PLD5: variants seen among roughly 807,000 people sequenced by gnomAD.
PLD5 encodes the protein inactive phospholipase D5.
Under a neutral mutation model 61.1 loss-of-function variants are expected in PLD5, and 36 were observed. That is an observed-to-expected ratio of 0.59 (90% CI 0.45 to 0.78). PLD5 has a LOEUF of 0.78. PLD5 is among the 30% of genes least tolerant of loss of function. The pLI, the probability that PLD5 is intolerant of heterozygous loss-of-function variation, is 0.00. For synonymous variants in PLD5, 243 were observed against 242.8 expected (o/e 1.00, Z -0.01); for missense variants, 515 against 644.4 (o/e 0.80, Z 2.17).
intron 4 of PLD5, among the ~76,000 whole-genome samples, chr1:242,251,758 G>A (rs1363814087): frequency 6.6e-6 from 1 of 152,064 alleles, no homozygotes; most frequent in Non-Finnish European, 1.5e-5. Flanking sequence ...AAAAGGCAAA[G>A]GGTAAATGTA....
Position 242,301,779 on chromosome 1 carries a change from T to TTATTATTATTA in PLD5, c.327-13260_327-13250dup, listed in dbSNP as rs760264930. Among the ~76,000 whole-genome samples, 84 of 147,410 alleles carry TTATTATTATTA rather than the reference T, an allele frequency of 5.7e-4. 2 individuals are homozygous for TTATTATTATTA. The East Asian group carries it at 0.012, about 21-fold the overall frequency. ...ATTTTTTAAAACATTATTATTATTA[T>TTATTATTATTA]TATTATTATTATTAGAGACAGAATC... On this transcript the variant is annotated intron_variant, in intron 2 of 9. Transcript: ENST00000536534.
chr1:242,524,704 C>A (rs1206734011), upstream of PLD5: 1 of 107,724 alleles, frequency 9.3e-6, no homozygotes, highest in Non-Finnish European at 1.8e-5. Flanking sequence ...TACTGGGACC[C>A]GGGCCGGCTC....
At chr1:242,454,292 A>G (rs1666877789) in intron 1 of PLD5, among the ~76,000 whole-genome samples, 1 of 150,678 alleles carries the variant, frequency 6.6e-6, no homozygotes, top group African/African-American at 2.4e-5. Context: ...GAGATCATGC[A>G]TTGCACTCTA....
At chr1:242,347,243 T>G (rs1412754555) in intron 2 of PLD5, among the ~76,000 whole-genome samples, 2 of 152,210 alleles carry the variant, frequency 1.3e-5, no homozygotes, top group Admixed American at 6.5e-5. Context: ...AGGTTGTTGT[T>G]TATTTTAAGC....
chr1:242,337,315 C>T (rs894878883), intron 2 of PLD5, among the ~76,000 whole-genome samples: 5 of 21,282 alleles, frequency 2.3e-4, no homozygotes, highest in African/African-American at 4.6e-4. Context: ...ATGCTATTGG[C>T]CTTTGAGAGT....
intron 5 of PLD5, among the ~76,000 whole-genome samples, chr1:242,144,895 G>A (rs747022176): frequency 6.6e-6 from 1 of 152,166 alleles, no homozygotes; most frequent in Non-Finnish European, 1.5e-5. Context: ...GCCATGGTGA[G>A]TTGTAGTACA....
At chr1:242,529,218 A>C (rs1291935176), upstream of PLD5, among the ~76,000 whole-genome samples, 1 of 152,232 alleles carries the variant, frequency 6.6e-6, no homozygotes, top group Non-Finnish European at 1.5e-5. Context: ...TTAATATGAG[A>C]AGGGTCTTTT....
intron 1 of PLD5, among the ~76,000 whole-genome samples, chr1:242,454,345 A>G (rs1666880663): frequency 6.6e-6 from 1 of 150,850 alleles, no homozygotes. Context: ...AAAAAAAAAA[A>G]GGCAAATTTA....
chr1:242,194,800 TCTCA>T lies in PLD5; in HGVS notation c.735+25184_735+25187del, dbSNP rs1337037113. ...GAATGGAAAACCAAACATCAGGCAT[TCTCA>T]CTCATAAGTGGGAGCCAAACTATGA... is the stretch of plus-strand genomic sequence containing the variant. On this transcript the variant is annotated intron_variant, in intron 5 of 9. Transcript: ENST00000536534. 2.0e-5 allele frequency among the ~76,000 whole-genome samples: 3 copies of T among 152,248 alleles called. No homozygotes were observed. In the East Asian group the frequency reaches 5.8e-4, roughly 29 times the overall value.
intron 3 of PLD5, among the ~76,000 whole-genome samples, chr1:242,285,560 C>G (rs967663204): frequency 6.6e-6 from 1 of 151,730 alleles, no homozygotes; most frequent in Non-Finnish European, 1.5e-5. Flanking sequence ...AGGCTAGCCT[C>G]TACTCCTATC....
At chr1:242,399,836 G>T (rs1027897373) in intron 1 of PLD5, among the ~76,000 whole-genome samples, 1 of 152,154 alleles carries the variant, frequency 6.6e-6, no homozygotes, top group African/African-American at 2.4e-5. Flanking sequence ...AAACCCTACT[G>T]TGAACTGTGT....
chr1:242,420,467 A>G (rs912001885), intron 1 of PLD5, among the ~76,000 whole-genome samples: 12 of 152,148 alleles, frequency 7.9e-5, no homozygotes, highest in Non-Finnish European at 1.6e-4. Context: ...TTCTTTCTTT[A>G]GATACTAAAA....
intron 1 of PLD5, among the ~76,000 whole-genome samples, chr1:242,521,139 C>T (rs746584310): frequency 6.6e-6 from 1 of 152,170 alleles, no homozygotes; most frequent in Non-Finnish European, 1.5e-5. Context: ...ACGACTTCCT[C>T]GCAGCTTCTT....
In PLD5 at chr1:242,158,764, G is replaced by A. The variant is rs138720333; in HGVS notation, c.736-34099C>T. 3.4e-4 allele frequency among the ~76,000 whole-genome samples: 52 copies of A among 152,172 alleles called. 1 individual carries two copies. Among genetic ancestry groups the A allele is most frequent in the African/African-American group, 1.1e-3 (46 of 41,498 alleles). ...AGACTGCAGCTGTTCCTATTCAGCC[G>A]TCTTGCCATCAGTCTCCTATTTTTT... On this transcript the variant is annotated intron_variant, in intron 5 of 9. Transcript: ENST00000536534.
intron 5 of PLD5, among the ~76,000 whole-genome samples, chr1:242,218,797 T>A (rs1448297631): frequency 6.6e-6 from 1 of 152,184 alleles, no homozygotes; most frequent in Non-Finnish European, 1.5e-5. Flanking sequence ...AAAGTGTCCT[T>A]GGGTAAGTTA....
intron 5 of PLD5, among the ~76,000 whole-genome samples, chr1:242,185,758 C>T (rs1558318505): frequency 6.6e-6 from 1 of 152,066 alleles, no homozygotes; most frequent in Non-Finnish European, 1.5e-5. Context: ...AAAGAATAAA[C>T]CTCTCTGCTA....
intron 2 of PLD5, among the ~76,000 whole-genome samples, chr1:242,318,336 A>G (rs1658152598): frequency 6.6e-6 from 1 of 152,090 alleles, no homozygotes; most frequent in African/African-American, 2.4e-5. Flanking sequence ...CTCCTGCGGG[A>G]GGGGAGGCCA....
intron 1 of PLD5, among the ~76,000 whole-genome samples, chr1:242,352,272 T>TATATTTATATTTATA (rs1660520791): frequency 6.6e-6 from 1 of 152,226 alleles, no homozygotes; most frequent in African/African-American, 2.4e-5. Context: ...ACTGCAATTG[T>TATATTTATATTTATA]TTTATATTCC....
chr1:242,404,258 T>A (rs940505494), intron 1 of PLD5, among the ~76,000 whole-genome samples: 1 of 152,138 alleles, frequency 6.6e-6, no homozygotes, highest in African/African-American at 2.4e-5. Context: ...AGAGAGGTCA[T>A]GGAAGGTTTT....
Sources: gnomAD v4.1 joint callset for allele counts (sites outside exome capture counted in the v4.1 genomes callset) on GRCh38, gnomAD v4.1.1 for gene constraint, MANE v1.5 for transcripts, NCBI Gene and HGNC (gene_info 2026-07-23, HGNC 2026-07-21) for gene names.